DICER1: variants seen among roughly 807,000 people sequenced by gnomAD.
DICER1 encodes the protein endoribonuclease Dicer.
Under a neutral mutation model 194.1 loss-of-function variants are expected in DICER1, and 43 were observed. The ratio of observed to expected loss-of-function variants is 0.22; its 90% CI spans 0.17 to 0.29. The LOEUF (loss-of-function observed/expected upper bound fraction) is 0.29. DICER1 is among the 10% of genes least tolerant of loss of function. The pLI is 1.00. For synonymous variants in DICER1, 832 were observed against 820.5 expected (o/e 1.01, Z -0.24); for missense variants, 1,608 against 2,317.0 (o/e 0.69, Z 6.28).
At position 95,126,253 on chromosome 14, in the gene DICER1, T is replaced by C. The variant is rs574891880; in HGVS notation, c.903+327A>G. On this transcript the variant is annotated intron_variant, in intron 7 of 26. Coordinates refer to ENST00000343455, the MANE Select transcript of DICER1 (RefSeq NM_177438.3). ...CACACACTAGGAAACTGCGGAAGAA[T>C]TTGTTTAATTCAAGGGTTTGAACAG... Among the ~76,000 whole-genome samples the C allele has an allele frequency of 4.6e-5, 7 of 152,238 alleles. No homozygotes were observed. In the South Asian group the frequency reaches 1.5e-3, roughly 32 times the overall value.
At chr14:95,140,035 C>T (rs1311078735) in intron 1 of DICER1, among the ~76,000 whole-genome samples, 3 of 152,132 alleles carry the variant, frequency 2.0e-5, no homozygotes, top group African/African-American at 7.2e-5. Flanking sequence ...TTAAACTTGG[C>T]CTTAATGAAA....
intron 24 of DICER1, 102 bp from the exon 25 acceptor site, chr14:95,091,467 T>C: frequency 9.6e-7 from 1 of 1,042,180 alleles, no homozygotes; most frequent in South Asian, 1.3e-5. Context: ...TGTTACTTCT[T>C]TAGTAAGGGG....
At chr14:95,104,558 G>C (rs1891239097) in intron 20 of DICER1, among the ~76,000 whole-genome samples, 1 of 152,202 alleles carries the variant, frequency 6.6e-6, no homozygotes, top group South Asian at 2.1e-4. Flanking sequence ...AACTAACACA[G>C]GGTACAGCAT....
Position 95,149,754 on chromosome 14 carries a change from C to T in DICER1, c.-46+7476G>A, listed in dbSNP as rs116326243. On this transcript the variant is annotated intron_variant, in intron 1 of 26. Coordinates refer to ENST00000343455, the MANE Select transcript of DICER1 (RefSeq NM_177438.3). Reference sequence around the variant, plus strand: ...ATGAATAATTTTTTATTAATTAATTCGATGTTGAGAATAAGCTTTATTGAT... The same window carrying T: ...ATGAATAATTTTTTATTAATTAATTTGATGTTGAGAATAAGCTTTATTGAT... Among the ~76,000 whole-genome samples, 1,083 of 152,128 alleles carry T rather than the reference C, an allele frequency of 7.1e-3. 5 individuals are homozygous for T. The highest frequency in any genetic ancestry group is 0.019 in the African/African-American group (772 of 41,504).
chr14:95,144,566 G>C (rs1400949136), intron 1 of DICER1, among the ~76,000 whole-genome samples: 2 of 151,938 alleles, frequency 1.3e-5, no homozygotes, highest in South Asian at 4.1e-4. Flanking sequence ...ATTTTTTTTA[G>C]CATAATTCTT....
chr14:95,093,195 G>A (rs1890000822), intron 24 of DICER1, among the ~76,000 whole-genome samples: 1 of 152,164 alleles, frequency 6.6e-6, no homozygotes, highest in Admixed American at 6.5e-5. Context: ...ACAAAAATAA[G>A]AAAATCAAAG....
In DICER1 at chr14:95,105,178, G is replaced by A. The variant is rs1060504987; in HGVS notation, c.3162C>T (p.Leu1054=). Residue 1054 remains leucine, a synonymous_variant, in exon 20 of 27, where the codon CTC becomes CTT. Transcript: ENST00000343455. This position sits in a 1 kb window ranked among gnomAD's most constrained non-coding sequence, Gnocchi z 4.9. The stretch of plus-strand genomic sequence containing the variant: ...AGTGAAGGCGATAAAGTATGCTGGG[G>A]AGACAAACAGCTTTTCTCCACAGTG... ...PASLWRKAVC[L]PSILYRLHCL... 1.2e-6 allele frequency: 2 copies of A among 1,613,958 alleles called. No homozygotes were observed. Among genetic ancestry groups the A allele is most frequent in the Non-Finnish European group, 1.7e-6 (2 of 1,180,026 alleles).
chr14:95,137,245 G>C (rs976117812), intron 1 of DICER1, among the ~76,000 whole-genome samples: 1 of 140,564 alleles, frequency 7.1e-6, no homozygotes. Flanking sequence ...AAGAGGAAGA[G>C]AAAGGGGAAA....
At chr14:95,150,701 A>G (rs921918589) in intron 1 of DICER1, among the ~76,000 whole-genome samples, 11 of 152,224 alleles carry the variant, frequency 7.2e-5, no homozygotes, top group African/African-American at 2.7e-4. Flanking sequence ...TCTGCAGATT[A>G]CCTACTAATT....
chr14:95,115,730 A>C lies in DICER1; in HGVS notation c.1844T>G (p.Val615Gly). 1 of 1,614,160 alleles carries C rather than the reference A, an allele frequency of 6.2e-7. No individual in the cohort carries two copies. The highest frequency in any genetic ancestry group is 8.5e-7 in the Non-Finnish European group (1 of 1,180,012). Residue 615 changes from valine (V) to glycine (G), a missense_variant, in exon 11 of 27, where the codon GTG becomes GGG. By Grantham distance (109) the Val-to-Gly change is moderately radical. Coordinates refer to ENST00000343455, the MANE Select transcript of DICER1 (RefSeq NM_177438.3). ...MDDDDVFPPY[V>G]LRPDDGGPRV... ...TGGACCACCATCGTCAGGCCTCAAC[A>C]CATATGGTGGGAAAACGTCATCATC...
Position 95,107,765 on chromosome 14 carries a change from A to C in DICER1, c.2651-4T>G, listed in dbSNP as rs377667473. 9.4e-6 allele frequency: 15 copies of C among 1,602,926 alleles called. No individual in the cohort carries two copies. The highest frequency in any genetic ancestry group is 1.2e-5 in the Non-Finnish European group (14 of 1,170,652). ...TCCAAAGTGCTGGAGTCATTAACTT[A>C]GAAGAGAAAAACGACTCTTTAGCTT... On this transcript the variant is annotated splice_region_variant and splice_polypyrimidine_tract_variant and intron_variant, in intron 16 of 26. Transcript: ENST00000343455.
intron 7 of DICER1, among the ~76,000 whole-genome samples, chr14:95,125,033 G>A (rs1893287683): frequency 6.6e-6 from 1 of 152,158 alleles, no homozygotes; most frequent in Non-Finnish European, 1.5e-5. Context: ...TAGGCATCAA[G>A]GAAGAGCAAT....
intron 11 of DICER1, among the ~76,000 whole-genome samples, chr14:95,114,778 G>A (rs1892289119): frequency 6.6e-6 from 1 of 152,196 alleles, no homozygotes; most frequent in South Asian, 2.1e-4. Context: ...AAGCTAGGAT[G>A]AGGAGAGGAC....
At position 95,154,741 on chromosome 14, in the gene DICER1, T is replaced by A. The variant is rs552412577; in HGVS notation, c.-46+2489A>T. On this transcript the variant is annotated intron_variant, in intron 1 of 26. Transcript: ENST00000343455. ...TAGTGTTAATGAGGACAGTTTGAGT[T>A]GGGAAAGATGAAAAAGTATGGAGAT... 3.3e-5 allele frequency among the ~76,000 whole-genome samples: 5 copies of A among 152,060 alleles called. No homozygotes were observed. In the South Asian group the frequency reaches 8.3e-4, roughly 25 times the overall value.
chr14:95,122,102 C>G (rs1892981667), intron 8 of DICER1, among the ~76,000 whole-genome samples: 2 of 152,056 alleles, frequency 1.3e-5, no homozygotes, highest in Admixed American at 1.3e-4. Context: ...TAAAGTCAAC[C>G]CTCAGAGCAC....
At chr14:95,090,791 C>G in intron 26 of DICER1, 128 bp from the exon 27 acceptor site, 1 of 1,194,010 alleles carries the variant, frequency 8.4e-7, no homozygotes. Context: ...AGGAAACACG[C>G]GTTACGACTT....
chr14:95,145,814 A>G (rs956623029), intron 1 of DICER1, among the ~76,000 whole-genome samples: 2 of 152,164 alleles, frequency 1.3e-5, no homozygotes, highest in Non-Finnish European at 2.9e-5. Flanking sequence ...TTACCCTAAC[A>G]CTATGGGTAT....
chr14:95,094,236 C>G, intron 23 of DICER1, 80 bp from the exon 24 acceptor site: 1 of 1,510,590 alleles, frequency 6.6e-7, no homozygotes, highest in South Asian at 1.1e-5. Context: ...TCCCCAAATC[C>G]GAAGAAGATT....
In DICER1 at chr14:95,122,917, CGT is replaced by C. The variant is rs753433388; in HGVS notation, c.1376+1277_1376+1278del. 3.2e-4 allele frequency among the ~76,000 whole-genome samples: 48 copies of C among 151,504 alleles called. 1 individual carries two copies. Among genetic ancestry groups the C allele is most frequent in the South Asian group, 2.1e-4 (1 of 4,812 alleles). ...CTAAACATTCAGAAGCAGTTAAGCG[CGT>C]GTGCGCGTGCGTGTACGCGCGCGCG... is the stretch of plus-strand genomic sequence containing the variant. On this transcript the variant is annotated intron_variant, in intron 8 of 26. Transcript: ENST00000343455.
Sources: allele counts gnomAD v4.1 joint callset (sites outside exome capture counted in the v4.1 genomes callset), GRCh38; gene constraint gnomAD v4.1.1; non-coding constraint Gnocchi (gnomAD v3.1); transcripts MANE v1.5; gene names NCBI Gene and HGNC (gene_info 2026-07-23, HGNC 2026-07-21).